Variants in EXT1 observed in about 807,000 individuals in gnomAD.
EXT1 encodes the protein exostosin-1.
EXT1 carries 20 observed loss-of-function variants against 82.5 expected under a neutral mutation model. The ratio of observed to expected loss-of-function variants is 0.24; its 90% CI spans 0.17 to 0.35. The LOEUF is 0.35. Among genes scored for constraint, EXT1 ranks in the 10% least tolerant of loss-of-function variants. The pLI, the probability that EXT1 is intolerant of heterozygous loss-of-function variation, is 1.00. For synonymous variants in EXT1, 348 were observed against 350.8 expected (o/e 0.99, Z 0.09); for missense variants, 757 against 936.5 (o/e 0.81, Z 2.50).
chr8:117,863,847 G>A lies in EXT1; in HGVS notation c.963-26646C>T, dbSNP rs17503768. Among the ~76,000 whole-genome samples the A allele has an allele frequency of 9.8e-3, 1,494 of 152,240 alleles. 32 individuals are homozygous for A. The highest frequency in any genetic ancestry group is 0.034 in the African/African-American group (1,405 of 41,516). The stretch of plus-strand genomic sequence containing the variant: ...TTAAGAAGCCCCGCAGAGCCCAGAG[G>A]TATTTTATATATGCATATGAGGAGC... On this transcript the variant is annotated intron_variant, in intron 1 of 10. Transcript: ENST00000378204.
intron 1 of EXT1, among the ~76,000 whole-genome samples, chr8:118,023,284 A>G (rs1447344204): frequency 3.3e-5 from 5 of 152,254 alleles, no homozygotes; most frequent in Non-Finnish European, 5.9e-5. Context: ...TAACATTACT[A>G]GGATATAAAC....
intron 1 of EXT1, among the ~76,000 whole-genome samples, chr8:117,869,507 T>C (rs984246886): frequency 6.6e-6 from 1 of 152,222 alleles, no homozygotes; most frequent in Non-Finnish European, 1.5e-5. Context: ...CTCCTTGTCC[T>C]AAACTATGAC....
At chr8:117,964,410 G>A (rs1814763382) in intron 1 of EXT1, among the ~76,000 whole-genome samples, 1 of 152,184 alleles carries the variant, frequency 6.6e-6, no homozygotes, top group African/African-American at 2.4e-5. Flanking sequence ...TGGTAGCAGT[G>A]AAGGAGTGGG....
chr8:117,951,233 G>T (rs941031210), intron 1 of EXT1, among the ~76,000 whole-genome samples: 5 of 152,168 alleles, frequency 3.3e-5, no homozygotes, highest in African/African-American at 1.2e-4. Flanking sequence ...AGGAATGGAA[G>T]TCTTTCTGAA....
chr8:118,094,770 C>A (rs1034662755), intron 1 of EXT1, among the ~76,000 whole-genome samples: 4 of 152,198 alleles, frequency 2.6e-5, no homozygotes, highest in African/African-American at 9.7e-5. Flanking sequence ...TCTAAGCAAT[C>A]CTCAGCTGGA....
chr8:117,908,503 G>A (rs1301250618), intron 1 of EXT1, among the ~76,000 whole-genome samples: 1 of 151,950 alleles, frequency 6.6e-6, no homozygotes, highest in Admixed American at 6.6e-5. Context: ...GGTGGTGTAT[G>A]CCTGTAGTCC....
chr8:117,909,079 C>T (rs1246573044), intron 1 of EXT1, among the ~76,000 whole-genome samples: 1 of 151,900 alleles, frequency 6.6e-6, no homozygotes, highest in African/African-American at 2.4e-5. Context: ...TTGAAGTGAA[C>T]CGAGATCGGG....
In EXT1 at chr8:118,110,197, A is replaced by T. The variant is rs1302336455; in HGVS notation, c.850T>A (p.Tyr284Asn). The change falls in exon 1 of 11, where the codon TAT becomes AAT. Residue 284 changes from tyrosine to asparagine, a missense_variant. Coordinates refer to ENST00000378204, the MANE Select transcript of EXT1 (RefSeq NM_000127.3). ...ACGTCCTCCCCGTTATGGACGTGAT[A>T]TAAGGCATTCCTGGTGTCTGATCCT... ...GIGSDTRNAL[Y>N]HVHNGEDVVL... is the part of the protein sequence containing the mutation. 1 of 1,614,070 alleles carries T rather than the reference A, an allele frequency of 6.2e-7. No individual in the cohort carries two copies. Among genetic ancestry groups the T allele is most frequent in the Non-Finnish European group, 8.5e-7 (1 of 1,180,038 alleles).
intron 7 of EXT1, among the ~76,000 whole-genome samples, chr8:117,814,458 C>G (rs1401524749): frequency 6.6e-6 from 1 of 152,040 alleles, no homozygotes; most frequent in Admixed American, 6.6e-5. Context: ...TCATATATAT[C>G]ATCGTGTTTC....
chr8:118,001,737 C>T (rs1815671378), intron 1 of EXT1, among the ~76,000 whole-genome samples: 1 of 151,878 alleles, frequency 6.6e-6, no homozygotes, highest in Non-Finnish European at 1.5e-5. Context: ...CCAGTGATTC[C>T]AAGAACAGGT....
At chr8:118,107,552 G>T (rs1817822330) in intron 1 of EXT1, among the ~76,000 whole-genome samples, 1 of 152,124 alleles carries the variant, frequency 6.6e-6, no homozygotes, top group African/African-American at 2.4e-5. Context: ...TTGACTTGAG[G>T]AGTTCTGCAT....
intron 1 of EXT1, among the ~76,000 whole-genome samples, chr8:117,866,404 C>T (rs139827438): frequency 3.3e-5 from 5 of 152,306 alleles, no homozygotes; most frequent in Middle Eastern, 3.4e-3. Flanking sequence ...AGGACTCTAA[C>T]CAGCTCCACA....
At chr8:117,995,196 G>C (rs1815511910) in intron 1 of EXT1, among the ~76,000 whole-genome samples, 1 of 152,152 alleles carries the variant, frequency 6.6e-6, no homozygotes, top group South Asian at 2.1e-4. Context: ...CCACACCCCA[G>C]CACTTTTTGA....
chr8:117,848,811 TA>T (rs1393671351), intron 1 of EXT1, among the ~76,000 whole-genome samples: 1 of 152,192 alleles, frequency 6.6e-6, no homozygotes, highest in African/African-American at 2.4e-5. Context: ...TTACTAGTTT[TA>T]AACAGAATGA....
At chr8:118,105,845 A>G (rs1817795362) in intron 1 of EXT1, among the ~76,000 whole-genome samples, 1 of 152,188 alleles carries the variant, frequency 6.6e-6, no homozygotes, top group Non-Finnish European at 1.5e-5. Flanking sequence ...CTGTTAATAC[A>G]GTTTGGGATA....
chr8:117,946,197 C>A (rs892761562), intron 1 of EXT1, among the ~76,000 whole-genome samples: 1 of 152,274 alleles, frequency 6.6e-6, no homozygotes, highest in South Asian at 2.1e-4. Context: ...CCGCGCCTGG[C>A]CTAGATTACT....
intron 4 of EXT1, among the ~76,000 whole-genome samples, chr8:117,823,195 G>A (rs1441575305): frequency 1.3e-5 from 2 of 152,248 alleles, no homozygotes; most frequent in Non-Finnish European, 2.9e-5. Context: ...TTGAAAAGTA[G>A]TGAGTTAACA....
At position 118,039,577 on chromosome 8, in the gene EXT1, A is replaced by T. The variant is rs555266193; in HGVS notation, c.962+70508T>A. ...CGTCACAAAAAAAAAAAAAAAAAAA[A>T]AAAATAAGATCCAGAAGGTACAATG... On this transcript the variant is annotated intron_variant, in intron 1 of 10. Coordinates refer to ENST00000378204, the MANE Select transcript of EXT1 (RefSeq NM_000127.3). Among the ~76,000 whole-genome samples, 916 of 151,564 alleles carry T rather than the reference A, an allele frequency of 6.0e-3. 8 individuals carry two copies. Among genetic ancestry groups the T allele is most frequent in the Non-Finnish European group, 7.2e-3 (491 of 67,862 alleles).
chr8:117,818,440 T>C lies in EXT1; in HGVS notation c.1627A>G (p.Ser543Gly). 6.2e-7 allele frequency: 1 copy of C among 1,614,082 alleles called. No individual in the cohort carries two copies. The part of the protein sequence containing the change: ...AVPVVVIEGE[S>G]KVMSSRFLPY... The stretch of plus-strand genomic sequence containing the variant: ...AGGTCCCCTTCGAGTCTTACCTTGC[T>C]CTCTCCTTCAATGACGACGACAGGC... Residue 543 changes from serine (S) to glycine (G), a missense_variant, in exon 7 of 11, where the codon AGC becomes GGC. Coordinates refer to ENST00000378204, the MANE Select transcript of EXT1 (RefSeq NM_000127.3).
Sources: gnomAD v4.1 joint callset for allele counts (sites outside exome capture counted in the v4.1 genomes callset) on GRCh38, gnomAD v4.1.1 for gene constraint, MANE v1.5 for transcripts, NCBI Gene and HGNC (gene_info 2026-07-23, HGNC 2026-07-21) for gene names.